Variants in MVB12B observed in about 807,000 individuals in gnomAD.
MVB12B encodes multivesicular body subunit 12B.
Under a neutral mutation model 41.6 loss-of-function variants are expected in MVB12B, and 16 were observed. The ratio of observed to expected loss-of-function variants is 0.38; its 90% CI spans 0.26 to 0.58. The LOEUF is 0.58. MVB12B is among the 20% of genes least tolerant of loss of function. The pLI is 0.62. For synonymous variants in MVB12B, 133 were observed against 139.7 expected, an observed-to-expected ratio of 0.95 and a Z score of 0.34; for missense variants, 274 against 380.2, an observed-to-expected ratio of 0.72 and a Z score of 2.32.
rs147039329 is a variant in MVB12B at position 126,460,186 on chromosome 9, G to A, written c.758-21183G>A. Among the ~76,000 whole-genome samples, 318 of 152,100 alleles carry A rather than the reference G, an allele frequency of 2.1e-3. 1 individual carries two copies. Among genetic ancestry groups the A allele is most frequent in the African/African-American group, 6.7e-3 (278 of 41,518 alleles). ...GCTGTAGTTCTGCTCAGACCTCCTC[G>A]GCAGGGTGGACAAGGCTCCGTCACC... On this transcript the variant is annotated intron_variant, in intron 7 of 9. Coordinates refer to ENST00000361171, the MANE Select transcript of MVB12B (RefSeq NM_033446.3).
intron 7 of MVB12B, among the ~76,000 whole-genome samples, chr9:126,456,595 C>A (rs930879431): frequency 6.6e-6 from 1 of 152,292 alleles, no homozygotes; most frequent in Middle Eastern, 3.4e-3. Flanking sequence ...CTCAGATACT[C>A]GGAATATGGT....
rs143965514 is a variant in MVB12B at position 126,369,021 on chromosome 9, G to A, written c.205-12043G>A. ...CTTGTTAACGGGTGTGTGATGCTCC[G>A]TGGTTGAGTGAGGGCCACAGGAGCC... On this transcript the variant is annotated intron_variant, in intron 2 of 9. Coordinates refer to ENST00000361171, the MANE Select transcript of MVB12B (RefSeq NM_033446.3). Among the ~76,000 whole-genome samples the A allele has an allele frequency of 4.2e-3, 645 of 152,294 alleles. 2 individuals are homozygous for A. Among genetic ancestry groups the A allele is most frequent in the Admixed American group, 8.7e-3 (133 of 15,296 alleles).
chr9:126,336,754 G>GCACACACACACACACACACACA, intron 1 of MVB12B, among the ~76,000 whole-genome samples: 2 of 150,402 alleles, frequency 1.3e-5, no homozygotes, highest in East Asian at 4.0e-4. Flanking sequence ...GTGTGTGCAC[G>GCACACACACACACACACACACA]CACACACACA....
chr9:126,496,869 C>G (rs1833846826), intron 9 of MVB12B, among the ~76,000 whole-genome samples: 2 of 152,062 alleles, frequency 1.3e-5, no homozygotes, highest in Non-Finnish European at 2.9e-5. Flanking sequence ...TGAGGGCGCT[C>G]TCCAGGCCCC....
chr9:126,449,666 A>G (rs1832855822), intron 7 of MVB12B, among the ~76,000 whole-genome samples: 1 of 152,218 alleles, frequency 6.6e-6, no homozygotes, highest in South Asian at 2.1e-4. Flanking sequence ...ATGGGCAGGT[A>G]TGCTTAGGCT....
At chr9:126,453,586 C>T (rs1053163703) in intron 7 of MVB12B, among the ~76,000 whole-genome samples, 2 of 152,226 alleles carry the variant, frequency 1.3e-5, no homozygotes, top group Non-Finnish European at 2.9e-5. Context: ...TACACAGGCT[C>T]AGCCTCTGCT....
chr9:126,499,822 G>C (rs910955115), intron 9 of MVB12B, among the ~76,000 whole-genome samples: 1 of 152,196 alleles, frequency 6.6e-6, no homozygotes. Context: ...CGCGGGGACC[G>C]GCGTGGTGCA....
In MVB12B at chr9:126,381,112, T is replaced by C. The variant is rs1269173994; in HGVS notation, c.253T>C (p.Leu85=). 6.2e-7 allele frequency: 1 copy of C among 1,614,190 alleles called. No homozygotes were observed. The highest frequency in any genetic ancestry group is 1.6e-4 in the Middle Eastern group (1 of 6,062). ...GGATGCTGACCTCTGGAAAGACGGC[T>C]TATTTAAATCCAAGGTTACCAGATA... ...GVDADLWKDG[L]FKSKVTRYLC... Residue 85 remains leucine, a synonymous_variant, in exon 3 of 10, where the codon TTA becomes CTA. Transcript: ENST00000361171.
chr9:126,357,664 C>T (rs573125046), intron 2 of MVB12B, among the ~76,000 whole-genome samples: 53 of 151,632 alleles, frequency 3.5e-4, no homozygotes, highest in African/African-American at 1.3e-3. Flanking sequence ...AAATTTTTTA[C>T]CTGCTTTTCA....
chr9:126,355,360 G>A (rs1413160606), intron 2 of MVB12B, among the ~76,000 whole-genome samples: 3 of 152,340 alleles, frequency 2.0e-5, no homozygotes, highest in East Asian at 1.9e-4. Context: ...TGAGGCCCAC[G>A]TGCATAGAGG....
Position 126,395,741 on chromosome 9 carries a change from G to T in MVB12B, c.662+44G>T. ...GTCTTGCGTTGTCCTGTGGTCTTAG[G>T]TCCCTGCACAACATTTTAGAACACC... On this transcript the variant is annotated intron_variant, in intron 6 of 9. Coordinates refer to ENST00000361171, the MANE Select transcript of MVB12B (RefSeq NM_033446.3). The surrounding 1 kb of genome is among the most constrained non-coding windows in gnomAD (Gnocchi z 4.9). 1.2e-6 allele frequency: 2 copies of T among 1,608,972 alleles called. No homozygotes were observed. The highest frequency in any genetic ancestry group is 1.7e-6 in the Non-Finnish European group (2 of 1,177,742).
intron 6 of MVB12B, among the ~76,000 whole-genome samples, chr9:126,421,568 G>A (rs1374596692): frequency 6.6e-6 from 1 of 152,224 alleles, no homozygotes; most frequent in Non-Finnish European, 1.5e-5. Flanking sequence ...ACCCCGTAGA[G>A]TCCCTTGGGC....
intron 6 of MVB12B, among the ~76,000 whole-genome samples, chr9:126,421,631 T>C (rs114414828): frequency 6.6e-6 from 1 of 152,084 alleles, no homozygotes; most frequent in Non-Finnish European, 1.5e-5. Context: ...CTTTCTAGTA[T>C]GGAAAAAAAA....
intron 9 of MVB12B, among the ~76,000 whole-genome samples, chr9:126,500,251 C>T (rs1217986361): frequency 1.3e-5 from 2 of 152,238 alleles, no homozygotes; most frequent in African/African-American, 4.8e-5. Context: ...TCCCCCAGCC[C>T]CTCCACTGCC....
intron 7 of MVB12B, among the ~76,000 whole-genome samples, chr9:126,450,293 C>T (rs1188694661): frequency 2.0e-5 from 3 of 152,212 alleles, no homozygotes; most frequent in Non-Finnish European, 4.4e-5. Context: ...AATGGATGGC[C>T]GGCTGAGCTT....
At chr9:126,457,942 G>C (rs771109983) in intron 7 of MVB12B, among the ~76,000 whole-genome samples, 2 of 152,152 alleles carry the variant, frequency 1.3e-5, no homozygotes, top group African/African-American at 2.4e-5. Flanking sequence ...TGCTTTCAAA[G>C]TATGTCTGGC....
At chr9:126,454,776 GAC>G (rs1368033682) in intron 7 of MVB12B, among the ~76,000 whole-genome samples, 1 of 150,876 alleles carries the variant, frequency 6.6e-6, no homozygotes, top group African/African-American at 2.4e-5. Flanking sequence ...AGGGGTCGAT[GAC>G]CATAATTGAG....
intron 2 of MVB12B, among the ~76,000 whole-genome samples, chr9:126,379,284 A>T (rs1015889420): frequency 1.2e-4 from 19 of 152,210 alleles, no homozygotes; most frequent in Admixed American, 9.2e-4. Context: ...TTTTCGTGTG[A>T]AGGGGTGTTC....
chr9:126,501,573 A>T (rs1833958121), intron 9 of MVB12B, among the ~76,000 whole-genome samples: 1 of 152,212 alleles, frequency 6.6e-6, no homozygotes, highest in Non-Finnish European at 1.5e-5. Context: ...GAGCAGTGGC[A>T]GCCATGGACA....
Sources: gnomAD v4.1 joint callset for allele counts (sites outside exome capture counted in the v4.1 genomes callset) on GRCh38, gnomAD v4.1.1 for gene constraint, Gnocchi (gnomAD v3.1) non-coding constraint, MANE v1.5 for transcripts, NCBI Gene and HGNC (gene_info 2026-07-23, HGNC 2026-07-21) for gene names.